Variants in MED23 observed in about 807,000 individuals in gnomAD.
MED23 encodes mediator of RNA polymerase II transcription subunit 23.
A neutral mutation model predicts 163.9 loss-of-function variants in MED23; 105 were observed. That is an observed-to-expected ratio of 0.64 (90% CI 0.55 to 0.75). MED23 has a LOEUF of 0.75. Ranked by LOEUF, MED23 falls within the 30% of genes least tolerant of loss-of-function variation. The probability of loss-of-function intolerance (pLI) is 0.00; values close to 1 mark genes in which losing one functional copy is unlikely to be tolerated. For missense variants in MED23, 1,054 were observed against 1,649.0 expected (o/e 0.64, Z 6.25); for synonymous variants, 561 against 565.6 (o/e 0.99, Z 0.12).
At chr6:131,575,999 A>G (rs975953590) in intron 30 of MED23, among the ~76,000 whole-genome samples, 2 of 152,162 alleles carry the variant, frequency 1.3e-5, no homozygotes, top group African/African-American at 2.4e-5. Context: ...CTTTCATGTC[A>G]CACTCTTTCG....
chr6:131,593,818 T>A (rs1412534301), intron 23 of MED23, among the ~76,000 whole-genome samples: 2 of 152,086 alleles, frequency 1.3e-5, no homozygotes, highest in Non-Finnish European at 2.9e-5. Flanking sequence ...AGAATAAGAT[T>A]TTTTCTTTGA....
chr6:131,578,078 G>A (rs1026531805), intron 30 of MED23, among the ~76,000 whole-genome samples: 26 of 151,806 alleles, frequency 1.7e-4, no homozygotes, highest in African/African-American at 5.3e-4. Flanking sequence ...CTGGGGTTGG[G>A]GGCAAGAATT....
intron 3 of MED23, 48 bp downstream of exon 3, chr6:131,627,348 A>G: frequency 7.5e-7 from 1 of 1,339,944 alleles, no homozygotes; most frequent in Non-Finnish European, 1.0e-6. Context: ...AAAAAAAAAG[A>G]AGAGGCCAAA....
intron 11 of MED23, among the ~76,000 whole-genome samples, chr6:131,608,955 G>A (rs1447855806): frequency 6.6e-6 from 1 of 151,992 alleles, no homozygotes; most frequent in Non-Finnish European, 1.5e-5. Flanking sequence ...CATTCCCACA[G>A]TAGGAACCAC....
chr6:131,624,860 C>T lies in MED23; in HGVS notation c.284+5G>A, dbSNP rs764856897. On this transcript the variant is annotated splice_donor_5th_base_variant and intron_variant, in intron 4 of 28. Transcript: ENST00000368068. The stretch of plus-strand genomic sequence containing the variant: ...CTTCAGATTGCTCATACCCATTAAA[C>T]GTACCTGGGTGGAAGGAGACCAGTC... 11 of 1,613,690 alleles carry T rather than the reference C, an allele frequency of 6.8e-6. No individual in the cohort carries two copies. Among genetic ancestry groups the T allele is most frequent in the East Asian group, 4.5e-5 (2 of 44,836 alleles).
In MED23 at chr6:131,597,475, CAAAAA is replaced by C. The variant is rs59083644; in HGVS notation, c.2608-792_2608-788del. On this transcript the variant is annotated intron_variant, in intron 20 of 28. Transcript: ENST00000368068. The stretch of plus-strand genomic sequence containing the variant: ...TGGGCGACAGAGAAAGACTCCATAT[CAAAAA>C]AAAAAAAAAAAAAAAAAGAAAAAAA... Among the ~76,000 whole-genome samples, 192 of 53,740 alleles carry C rather than the reference CAAAAA, an allele frequency of 3.6e-3. 1 individual carries two copies. Among genetic ancestry groups the C allele is most frequent in the Admixed American group, 4.9e-3 (25 of 5,080 alleles). The allele number at this position is 53,740 out of a possible 152,430, so 35.3% of individuals were successfully genotyped here.
At position 131,627,432 on chromosome 6, in the gene MED23, C is replaced by G; in HGVS notation, c.123G>C (p.Leu41Phe). The change falls in exon 3 of 29, where the codon TTG (leucine) becomes TTC (phenylalanine). Residue 41 changes from leucine to phenylalanine, a missense_variant. Physicochemically the swap from Leu to Phe is conservative, Grantham distance 22. Transcript: ENST00000368068. Reference protein sequence around the residue: ...EDEKTKLISCLGAFRQFWGGL... With the variant: ...EDEKTKLISCFGAFRQFWGGL... ...CACCCCAAAACTGTCTGAAGGCCCC[C>G]AAACAGCTAATTAGTTTTGTTTTCT... 3.7e-6 allele frequency: 6 copies of G among 1,613,382 alleles called. No individual in the cohort carries two copies. Among genetic ancestry groups the G allele is most frequent in the Non-Finnish European group, 5.1e-6 (6 of 1,179,882 alleles).
At chr6:131,617,815 G>A (rs1585554740) in intron 9 of MED23, among the ~76,000 whole-genome samples, 2 of 152,158 alleles carry the variant, frequency 1.3e-5, no homozygotes, top group Non-Finnish European at 1.5e-5. Context: ...GCCCCTTAAA[G>A]GGTATATCAA....
Position 131,593,133 on chromosome 6 carries a change from C to T in MED23, c.3271G>A (p.Asp1091Asn). The T allele has an allele frequency of 1.2e-6, 2 of 1,614,180 alleles. No homozygotes were observed. The highest frequency in any genetic ancestry group is 1.7e-6 in the Non-Finnish European group (2 of 1,180,026). The change falls in exon 24 of 29, where the codon GAC (aspartate) becomes AAC (asparagine). Residue 1091 changes from aspartate (D) to asparagine (N), a missense_variant. Physicochemically the swap from Asp to Asn is conservative, Grantham distance 23 (BLOSUM62 1). This residue lies in a region of MED23 where 362 missense variants were observed against 471.6 expected (regional missense o/e 0.77). Coordinates refer to ENST00000368068, the MANE Select transcript of MED23 (RefSeq NM_004830.4). ...TTGGGAAACTCATTGAATCTCCAGT[C>T]ACAGTTTGGAAAGGGACCAGGAGAT... Reference protein sequence around the residue: ...GKSPGPFPNCDWRFNEFPNPA... With the variant: ...GKSPGPFPNCNWRFNEFPNPA...
intron 28 of MED23, among the ~76,000 whole-genome samples, chr6:131,588,398 C>T (rs781666779): frequency 6.6e-6 from 1 of 152,180 alleles, no homozygotes; most frequent in African/African-American, 2.4e-5. Context: ...CACATCAAGT[C>T]GTTTCACAGC....
At chr6:131,614,861 A>C (rs1253540578) in intron 10 of MED23, among the ~76,000 whole-genome samples, 1 of 152,146 alleles carries the variant, frequency 6.6e-6, no homozygotes, top group East Asian at 1.9e-4. Context: ...GCAAAGCAAC[A>C]TAAGTATTTT....
intron 15 of MED23, 89 bp downstream of exon 15, chr6:131,604,089 T>C (rs1775684525): frequency 3.0e-6 from 4 of 1,351,154 alleles, no homozygotes; most frequent in Non-Finnish European, 4.2e-6. Flanking sequence ...TGGTGACTTG[T>C]TCTCTGCTGT....
chr6:131,579,297 T>C (rs1773793398), intron 30 of MED23: 1 of 1,613,634 alleles, frequency 6.2e-7, no homozygotes, highest in Non-Finnish European at 8.5e-7. Context: ...TCTTGTTGAA[T>C]AACTGTGTCT....
At chr6:131,582,531 T>C, downstream of MED23, 1 of 939,568 alleles carries the variant, frequency 1.1e-6, no homozygotes, top group Non-Finnish European at 1.8e-6. Flanking sequence ...AAATATAAGA[T>C]ATACGCAATC....
At chr6:131,581,494 T>G in intron 30 of MED23, 2 of 1,255,106 alleles carry the variant, frequency 1.6e-6, no homozygotes, top group Non-Finnish European at 2.2e-6. Flanking sequence ...CTCAAATCAT[T>G]TTCTCTGCAG....
chr6:131,594,444 AAAC>A, intron 22 of MED23, 109 bp from the exon 23 acceptor site: 1 of 856,816 alleles, frequency 1.2e-6, no homozygotes, highest in Non-Finnish European at 2.0e-6. Context: ...AAGATTTATG[AAAC>A]AACTTCACAT....
At chr6:131,578,313 G>A (rs542658585) in intron 30 of MED23, among the ~76,000 whole-genome samples, 13 of 152,066 alleles carry the variant, frequency 8.5e-5, no homozygotes, top group African/African-American at 2.4e-4. Flanking sequence ...TCTTGGAGGC[G>A]TTACTAAATC....
chr6:131,595,208 C>A (rs1042498216), intron 22 of MED23, among the ~76,000 whole-genome samples: 3 of 152,134 alleles, frequency 2.0e-5, no homozygotes, highest in African/African-American at 7.2e-5. Context: ...TTTTAGTTGT[C>A]TTTTTCTTTC....
chr6:131,616,009 A>G lies in MED23; in HGVS notation c.781-7T>C, dbSNP rs1447351388. On this transcript the variant is annotated splice_region_variant and splice_polypyrimidine_tract_variant and intron_variant, in intron 9 of 28. Coordinates refer to ENST00000368068, the MANE Select transcript of MED23 (RefSeq NM_004830.4). ...TCTGTGGTTCAAACAGATCCTTTAA[A>G]GAAAATAAGAAAATCATTGCTTCAA... 1 of 1,589,012 alleles carries G rather than the reference A, an allele frequency of 6.3e-7. No homozygotes were observed. Among genetic ancestry groups the G allele is most frequent in the South Asian group, 1.1e-5 (1 of 90,510 alleles).
Sources: allele counts gnomAD v4.1 joint callset (sites outside exome capture counted in the v4.1 genomes callset), GRCh38; gene constraint gnomAD v4.1.1; regional missense constraint gnomAD v4.1.1; transcripts MANE v1.5; gene names NCBI Gene and HGNC (gene_info 2026-07-23, HGNC 2026-07-21).